FBRSL1: variants seen among roughly 807,000 people sequenced by gnomAD.
The protein encoded by FBRSL1 is fibrosin-1-like protein.
Under a neutral mutation model 89.6 loss-of-function variants are expected in FBRSL1, and 51 were observed. The ratio of observed to expected loss-of-function variants is 0.57; its 90% CI spans 0.45 to 0.72. The LOEUF (loss-of-function observed/expected upper bound fraction) is 0.72. Among genes scored for constraint, FBRSL1 ranks in the 30% least tolerant of loss-of-function variants. The pLI is 0.00. For missense variants in FBRSL1, 1,618 were observed against 1,451.8 expected (o/e 1.11, Z -1.86); for synonymous variants, 779 against 681.1 (o/e 1.14, Z -2.24).
In FBRSL1 at chr12:132,518,675, CAT is replaced by C. The variant is rs1320600702; in HGVS notation, c.490-7058_490-7057del. On this transcript the variant is annotated intron_variant, in intron 2 of 18. Transcript: ENST00000680143. ...CCACCCGTGCATCCATCCATCCACC[CAT>C]CTGTCCTTCCATCCACCCATCTGTC... Among the ~76,000 whole-genome samples, 137 of 151,388 alleles carry C rather than the reference CAT, an allele frequency of 9.0e-4. 1 individual carries two copies. Among genetic ancestry groups the C allele is most frequent in the Middle Eastern group, 3.4e-3 (1 of 292 alleles).
chr12:132,579,297 T>G (rs2040589063), intron 15 of FBRSL1, among the ~76,000 whole-genome samples: 1 of 152,214 alleles, frequency 6.6e-6, no homozygotes, highest in Non-Finnish European at 1.5e-5. Context: ...TACATCGACC[T>G]AAGAGGGATT....
At chr12:132,565,637 G>A (rs2039559475) in intron 5 of FBRSL1, 1 of 152,268 alleles carries the variant, frequency 6.6e-6, no homozygotes, top group Admixed American at 6.5e-5. Flanking sequence ...CCATGTACGT[G>A]TACCCGAGTG....
At chr12:132,511,793 C>T (rs2034369858) in intron 2 of FBRSL1, 14 of 985,244 alleles carry the variant, frequency 1.4e-5, no homozygotes, top group African/African-American at 1.7e-5. Context: ...TCCTGACCAG[C>T]CTCTGGTGCA....
intron 4 of FBRSL1, among the ~76,000 whole-genome samples, chr12:132,547,572 C>T (rs2037804296): frequency 1.4e-5 from 2 of 146,076 alleles, no homozygotes; most frequent in African/African-American, 2.6e-5. Context: ...GCCATCGATC[C>T]CCTCAGGGGG....
chr12:132,546,894 G>A lies in FBRSL1; in HGVS notation c.616-1109G>A, dbSNP rs942304665. Among the ~76,000 whole-genome samples the A allele has an allele frequency of 1.7e-4, 26 of 152,358 alleles. No homozygotes were observed. The highest frequency in any genetic ancestry group is 3.4e-3 in the Middle Eastern group (1 of 294). On this transcript the variant is annotated intron_variant, in intron 4 of 18. Coordinates refer to ENST00000680143, the MANE Select transcript of FBRSL1 (RefSeq NM_001367871.1). The surrounding 1 kb of genome is among the most constrained non-coding windows in gnomAD (Gnocchi z 4.0). ...CCGTCGCTGAACACTCGGCAGCCGC[G>A]GCTGCACATGGAGGGTGGCTGTGCG...
chr12:132,546,006 C>T lies in FBRSL1; in HGVS notation c.616-1997C>T, dbSNP rs2037656245. ...GCACTCCCTCTCGGCCCTCCCCAGG[C>T]TCCCCATGTGCAGAGGGCATCCTTG... On this transcript the variant is annotated intron_variant, in intron 4 of 18. Transcript: ENST00000680143. This position sits in a 1 kb window ranked among gnomAD's most constrained non-coding sequence, Gnocchi z 4.0. 6.6e-6 allele frequency among the ~76,000 whole-genome samples: 1 copy of T among 152,214 alleles called. No homozygotes were observed. Among genetic ancestry groups the T allele is most frequent in the South Asian group, 2.1e-4 (1 of 4,834 alleles).
chr12:132,541,665 T>G (rs1243748748), intron 4 of FBRSL1, among the ~76,000 whole-genome samples: 1 of 152,224 alleles, frequency 6.6e-6, no homozygotes, highest in Non-Finnish European at 1.5e-5. Context: ...GAAGCTCAAC[T>G]CGAAATCTCC....
At chr12:132,504,480 T>C (rs1270442496) in intron 1 of FBRSL1, among the ~76,000 whole-genome samples, 1 of 152,116 alleles carries the variant, frequency 6.6e-6, no homozygotes, top group Non-Finnish European at 1.5e-5. Context: ...TAGCCACTAC[T>C]GGGGGTGCTG....
In FBRSL1 at chr12:132,582,233, G is replaced by T; in HGVS notation, c.2168G>T (p.Arg723Leu). 6.5e-7 allele frequency: 1 copy of T among 1,550,184 alleles called. No homozygotes were observed. The highest frequency in any genetic ancestry group is 8.7e-7 in the Non-Finnish European group (1 of 1,146,840). The stretch of plus-strand genomic sequence containing the variant: ...GTGTCAGCCCTGACCAACCATGACC[G>T]AGAGCCGGACAATGGCAAGGAGGAG... ...ERVSALTNHD[R>L]EPDNGKEEQE... Residue 723 changes from arginine (R) to leucine (L), a missense_variant, in exon 18 of 19, where the codon CGA becomes CTA. Transcript: ENST00000680143.
intron 1 of FBRSL1, among the ~76,000 whole-genome samples, chr12:132,503,857 G>T (rs1453643940): frequency 6.6e-6 from 1 of 152,186 alleles, no homozygotes; most frequent in Non-Finnish European, 1.5e-5. Context: ...ACGAAGGTGT[G>T]AGCCAACAAG....
At chr12:132,548,090 C>T (rs939618544) in intron 5 of FBRSL1, 58 bp downstream of exon 5, 3 of 1,542,050 alleles carry the variant, frequency 1.9e-6, no homozygotes, top group Admixed American at 3.9e-5. Context: ...CCCTGCTGAC[C>T]TTGGCCCTGT....
At chr12:132,572,732 C>A in intron 11 of FBRSL1, 110 bp downstream of exon 11, 2 of 784,370 alleles carry the variant, frequency 2.5e-6, no homozygotes, top group South Asian at 1.6e-5. Flanking sequence ...CCTTTCCCTC[C>A]CTTGTACCTG....
intron 6 of FBRSL1, among the ~76,000 whole-genome samples, chr12:132,567,946 A>AG: frequency 6.6e-6 from 1 of 152,238 alleles, no homozygotes; most frequent in African/African-American, 2.4e-5. Context: ...GGTGCAGTGG[A>AG]GGGGCCTGGA....
intron 4 of FBRSL1, among the ~76,000 whole-genome samples, chr12:132,528,193 G>A (rs796975624): frequency 2.0e-5 from 3 of 152,104 alleles, no homozygotes; most frequent in Non-Finnish European, 2.9e-5. Flanking sequence ...TTGGGGGTGC[G>A]TCCTGCTCAC....
intron 9 of FBRSL1, chr12:132,571,729 G>A (rs2040026101): frequency 1.1e-5 from 4 of 377,602 alleles, no homozygotes; most frequent in Non-Finnish European, 1.9e-5. Context: ...ACCCTCGGCA[G>A]TGGTCCTGGA....
chr12:132,514,542 G>A (rs1200261710), intron 2 of FBRSL1, among the ~76,000 whole-genome samples: 1 of 152,256 alleles, frequency 6.6e-6, no homozygotes, highest in Admixed American at 6.5e-5. Flanking sequence ...AGGGGGAAGG[G>A]TTTCCATGCT....
intron 1 of FBRSL1, among the ~76,000 whole-genome samples, chr12:132,501,594 C>T (rs373650833): frequency 6.6e-6 from 1 of 152,128 alleles, no homozygotes; most frequent in Admixed American, 6.5e-5. Context: ...GAAATGAAGC[C>T]TGAGCCTGCC....
At chr12:132,491,110 T>C (rs980054662) in intron 1 of FBRSL1, among the ~76,000 whole-genome samples, 7 of 152,162 alleles carry the variant, frequency 4.6e-5, no homozygotes, top group African/African-American at 2.4e-5. Context: ...GGCAAAAAAA[T>C]CTACGCTTCG....
intron 2 of FBRSL1, among the ~76,000 whole-genome samples, chr12:132,512,175 C>T (rs899000593): frequency 4.6e-5 from 7 of 152,244 alleles, no homozygotes; most frequent in African/African-American, 9.6e-5. Context: ...ATCCCCCCAC[C>T]GCAAGGCTAC....
Sources: allele counts gnomAD v4.1 joint callset (sites outside exome capture counted in the v4.1 genomes callset), GRCh38; gene constraint gnomAD v4.1.1; non-coding constraint Gnocchi (gnomAD v3.1); transcripts MANE v1.5; gene names NCBI Gene and HGNC (gene_info 2026-07-23, HGNC 2026-07-21).